FSTL5: variants seen among roughly 807,000 people sequenced by gnomAD.
FSTL5 encodes follistatin-related protein 5.
FSTL5 carries 62 observed loss-of-function variants against 89.1 expected under a neutral mutation model. The observed-to-expected ratio is 0.70, with a 90% confidence interval of 0.57 to 0.86. The LOEUF is 0.86. Among genes scored for constraint, FSTL5 ranks in the 40% least tolerant of loss-of-function variants. The pLI is 0.00. For synonymous variants in FSTL5, 383 were observed against 346.2 expected (o/e 1.11, Z -1.18); for missense variants, 1,057 against 1,001.6 (o/e 1.06, Z -0.75).
chr4:161,561,371 G>C (rs573480228), intron 8 of FSTL5, among the ~76,000 whole-genome samples: 1 of 152,108 alleles, frequency 6.6e-6, no homozygotes, highest in South Asian at 2.1e-4. Flanking sequence ...CAGTCAAAAT[G>C]GGAAGATAAA....
chr4:161,635,713 T>C (rs562182570), intron 7 of FSTL5, among the ~76,000 whole-genome samples: 1 of 152,296 alleles, frequency 6.6e-6, no homozygotes, highest in South Asian at 2.1e-4. Context: ...TACTGATTCA[T>C]TACGTCTAGA....
chr4:161,515,629 C>T lies in FSTL5; in HGVS notation c.1313-5205G>A, dbSNP rs184445601. On this transcript the variant is annotated intron_variant, in intron 10 of 15. Coordinates refer to ENST00000306100, the MANE Select transcript of FSTL5 (RefSeq NM_020116.5). ...CATTCCTTTTATTCATTTGTTATAA[C>T]ATGCCTAATATAGTCTTTATACATG... Among the ~76,000 whole-genome samples, 604 of 151,124 alleles carry T rather than the reference C, an allele frequency of 4.0e-3. 5 individuals are homozygous for T. Among genetic ancestry groups the T allele is most frequent in the African/African-American group, 0.014 (585 of 41,294 alleles).
At chr4:161,681,020 T>C (rs1300129641) in intron 6 of FSTL5, among the ~76,000 whole-genome samples, 1 of 152,034 alleles carries the variant, frequency 6.6e-6, no homozygotes, top group Non-Finnish European at 1.5e-5. Context: ...GAAATCAAAC[T>C]GAATTGCAGA....
chr4:161,891,759 G>A (rs182094008), intron 4 of FSTL5, among the ~76,000 whole-genome samples: 163 of 152,146 alleles, frequency 1.1e-3, no homozygotes, highest in Non-Finnish European at 1.8e-3. Flanking sequence ...ATCTCATTAT[G>A]TCCAAATTTT....
At chr4:161,708,798 A>G (rs1738674562) in intron 6 of FSTL5, among the ~76,000 whole-genome samples, 1 of 152,160 alleles carries the variant, frequency 6.6e-6, no homozygotes, top group Non-Finnish European at 1.5e-5. Flanking sequence ...TGCCAGGCAC[A>G]AATGTGATGC....
intron 8 of FSTL5, among the ~76,000 whole-genome samples, chr4:161,563,353 A>AT (rs1251924887): frequency 2.0e-5 from 3 of 151,810 alleles, no homozygotes; most frequent in Admixed American, 6.6e-5. Context: ...TTCTATTGCT[A>AT]TTTTTTTAGA....
intron 15 of FSTL5, among the ~76,000 whole-genome samples, chr4:161,400,360 G>C (rs187981787): frequency 2.0e-5 from 3 of 152,106 alleles, no homozygotes; most frequent in African/African-American, 7.2e-5. Flanking sequence ...TAAAATTTCA[G>C]ATAGTTCTCA....
intron 3 of FSTL5, among the ~76,000 whole-genome samples, chr4:161,933,418 A>G (rs1040593652): frequency 6.6e-6 from 1 of 152,096 alleles, no homozygotes; most frequent in East Asian, 1.9e-4. Context: ...ACTAAGATAC[A>G]TGTCATGTGC....
intron 4 of FSTL5, among the ~76,000 whole-genome samples, chr4:161,851,802 T>G (rs10049538): frequency 6.6e-6 from 1 of 151,958 alleles, no homozygotes; most frequent in Non-Finnish European, 1.5e-5. Flanking sequence ...CTTAAAGTTA[T>G]GTAAGTTAAG....
intron 4 of FSTL5, among the ~76,000 whole-genome samples, chr4:161,785,730 T>C (rs1741880983): frequency 6.6e-6 from 1 of 152,168 alleles, no homozygotes; most frequent in South Asian, 2.1e-4. Flanking sequence ...ATGCTGACCT[T>C]ACATATAGTT....
rs117998727 is a variant in FSTL5 at position 161,583,831 on chromosome 4, G to C, written c.1015+3624C>G. On this transcript the variant is annotated intron_variant, in intron 8 of 15. Transcript: ENST00000306100. ...GAGGTATTGCATATCTTCCTCTCTA[G>C]TACCTCATTCTAGTAATATTTGATC... 6.4e-4 allele frequency among the ~76,000 whole-genome samples: 98 copies of C among 152,130 alleles called. 2 individuals carry two copies. In the East Asian group the frequency reaches 0.019, roughly 29 times the overall value.
chr4:161,648,310 C>T lies in FSTL5; in HGVS notation c.894+8018G>A, dbSNP rs929977757. ...CGGGGGATTCAGCTGTAAGCATTCA[C>T]CCCTAGACACTGCCAGGGGATTGGA... On this transcript the variant is annotated intron_variant, in intron 7 of 15. Coordinates refer to ENST00000306100, the MANE Select transcript of FSTL5 (RefSeq NM_020116.5). Among the ~76,000 whole-genome samples, 15 of 152,114 alleles carry T rather than the reference C, an allele frequency of 9.9e-5. No individual in the cohort carries two copies. In the East Asian group the frequency reaches 2.1e-3, roughly 22 times the overall value.
chr4:161,819,956 T>A lies in FSTL5; in HGVS notation c.410-43882A>T, dbSNP rs9884690. 4.8e-3 allele frequency among the ~76,000 whole-genome samples: 729 copies of A among 151,926 alleles called. 13 individuals are homozygous for A. The highest frequency in any genetic ancestry group is 0.017 in the African/African-American group (705 of 41,296). ...AAGTAAAAAAAAATTAAGTTTTTTT[T>A]AACTTTTTCAGTAATTTTCTCTAAA... On this transcript the variant is annotated intron_variant, in intron 4 of 15. Transcript: ENST00000306100.
chr4:161,863,703 G>A (rs1356216704), intron 4 of FSTL5, among the ~76,000 whole-genome samples: 1 of 152,124 alleles, frequency 6.6e-6, no homozygotes, highest in Non-Finnish European at 1.5e-5. Context: ...TTGAAAATTT[G>A]CAAAGTATAA....
chr4:161,418,568 A>G (rs563258538), intron 15 of FSTL5, among the ~76,000 whole-genome samples: 1 of 152,286 alleles, frequency 6.6e-6, no homozygotes, highest in East Asian at 1.9e-4. Flanking sequence ...AAATAATTAT[A>G]TTGCTATTTT....
intron 2 of FSTL5, among the ~76,000 whole-genome samples, chr4:162,048,786 T>C (rs898947705): frequency 2.0e-5 from 3 of 152,176 alleles, no homozygotes; most frequent in Non-Finnish European, 4.4e-5. Flanking sequence ...TATGGTAATA[T>C]TATAAATTAG....
intron 4 of FSTL5, among the ~76,000 whole-genome samples, chr4:161,916,450 C>G (rs1733841990): frequency 1.3e-5 from 2 of 152,054 alleles, no homozygotes; most frequent in African/African-American, 4.8e-5. Flanking sequence ...TTAGAAAGCC[C>G]TTTGTGAGAG....
chr4:161,633,594 C>A (rs1735577506), intron 7 of FSTL5, among the ~76,000 whole-genome samples: 2 of 152,048 alleles, frequency 1.3e-5, no homozygotes, highest in African/African-American at 4.8e-5. Flanking sequence ...ATCCGCCTGC[C>A]TCGGCCTCCC....
intron 7 of FSTL5, among the ~76,000 whole-genome samples, chr4:161,602,633 C>A (rs1350805589): frequency 6.6e-6 from 1 of 151,594 alleles, no homozygotes; most frequent in Non-Finnish European, 1.5e-5. Context: ...GTTTGATTTC[C>A]AGAAAAAAGA....
Sources: allele counts gnomAD v4.1 joint callset (sites outside exome capture counted in the v4.1 genomes callset), GRCh38; gene constraint gnomAD v4.1.1; transcripts MANE v1.5; gene names NCBI Gene and HGNC (gene_info 2026-07-23, HGNC 2026-07-21).